Variants in PIK3C2A observed in about 807,000 individuals in gnomAD.
PIK3C2A encodes phosphatidylinositol-4-phosphate 3-kinase catalytic subunit type 2 alpha.
Under a neutral mutation model 204.5 loss-of-function variants are expected in PIK3C2A, and 97 were observed. The ratio of observed to expected loss-of-function variants is 0.47; its 90% CI spans 0.40 to 0.56. The LOEUF (loss-of-function observed/expected upper bound fraction) is 0.56, where lower values mean the gene tolerates loss of function less well. PIK3C2A is among the 20% of genes least tolerant of loss of function. PIK3C2A has a pLI of 0.00. For synonymous variants in PIK3C2A, 653 were observed against 664.4 expected (o/e 0.98, Z 0.26); for missense variants, 1,735 against 1,969.2 (o/e 0.88, Z 2.25).
Position 17,150,471 on chromosome 11 carries a change from G to A in PIK3C2A, c.1327+27C>T, listed in dbSNP as rs372409852. On this transcript the variant is annotated intron_variant, in intron 4 of 32. Coordinates refer to ENST00000691414, the MANE Select transcript of PIK3C2A (RefSeq NM_002645.4). ...ACATTTCCCCCTAACAGAGCAAAAC[G>A]AGAGGCTTGAGGAACCATAAACCTA... 3.6e-5 allele frequency: 55 copies of A among 1,547,716 alleles called. 1 individual carries two copies. The highest frequency in any genetic ancestry group is 1.2e-4 in the South Asian group (10 of 80,676).
intron 1 of PIK3C2A, among the ~76,000 whole-genome samples, chr11:17,206,279 G>A (rs1460181825): frequency 1.3e-5 from 2 of 152,134 alleles, no homozygotes; most frequent in Non-Finnish European, 2.9e-5. Flanking sequence ...ATTTATGGAA[G>A]AAACTCCATA....
intron 1 of PIK3C2A, among the ~76,000 whole-genome samples, chr11:17,205,891 C>T (rs1451830103): frequency 6.6e-6 from 1 of 152,162 alleles, no homozygotes; most frequent in Admixed American, 6.6e-5. Flanking sequence ...GAGGCCAAGA[C>T]GGGCAGATCA....
At chr11:17,204,953 G>A (rs1852514417) in intron 1 of PIK3C2A, among the ~76,000 whole-genome samples, 1 of 151,662 alleles carries the variant, frequency 6.6e-6, no homozygotes, top group Admixed American at 6.6e-5. Flanking sequence ...CGAGGCGGGC[G>A]GATCACTTGA....
intron 11 of PIK3C2A, among the ~76,000 whole-genome samples, chr11:17,132,434 A>G (rs996302936): frequency 7.1e-6 from 1 of 139,954 alleles, no homozygotes; most frequent in East Asian, 2.1e-4. Flanking sequence ...GGTTCACGCC[A>G]TTCTCCTGCC....
chr11:17,199,903 C>CAAAAAA lies in PIK3C2A; in HGVS notation c.-66+7939_-66+7944dup, dbSNP rs35435978. On this transcript the variant is annotated intron_variant, in intron 1 of 32. Coordinates refer to ENST00000691414, the MANE Select transcript of PIK3C2A (RefSeq NM_002645.4). ...TGCCACTACATTCCAGCCTCCATCT[C>CAAAAAA]AAAAAAAAAAAAAAAAAAAGTAGAT... 4.3e-3 allele frequency among the ~76,000 whole-genome samples: 460 copies of CAAAAAA among 106,802 alleles called. 5 individuals carry two copies. The highest frequency in any genetic ancestry group is 0.016 in the African/African-American group (432 of 27,804). The allele number at this position is 106,802 out of a possible 152,430, so 70.1% of individuals were successfully genotyped here. A position where few individuals can be genotyped will look rare whatever the true frequency, so the allele number is the denominator to read the frequency against.
chr11:17,121,138 G>A (rs1565255777), intron 15 of PIK3C2A, among the ~76,000 whole-genome samples: 1 of 151,402 alleles, frequency 6.6e-6, no homozygotes, highest in East Asian at 2.0e-4. Flanking sequence ...TCTTTTTTGA[G>A]ACAGGGTATT....
chr11:17,167,410 G>A (rs1343341816), intron 2 of PIK3C2A, among the ~76,000 whole-genome samples: 3 of 152,086 alleles, frequency 2.0e-5, no homozygotes, highest in Admixed American at 2.0e-4. Flanking sequence ...ATCACCTGAG[G>A]TCGGGAGTTC....
At position 17,136,533 on chromosome 11, in the gene PIK3C2A, T is replaced by C; in HGVS notation, c.1797A>G (p.Ser599=). The part of the protein sequence containing the change: ...DGVETLAITE[S]VKKLKRAVNL... ...TAACTGCTCTCTTTAGCTTCTTTAC[T>C]GATTCTGTAATGGCAAGAGTCTCGA... Residue 599 remains serine (S), a synonymous_variant, in exon 9 of 33, where the codon TCA becomes TCG. Transcript: ENST00000691414. The C allele has an allele frequency of 6.2e-7, 1 of 1,607,922 alleles. No individual in the cohort carries two copies. The highest frequency in any genetic ancestry group is 8.5e-7 in the Non-Finnish European group (1 of 1,174,694).
At chr11:17,200,299 A>G (rs935612227) in intron 1 of PIK3C2A, among the ~76,000 whole-genome samples, 4 of 152,214 alleles carry the variant, frequency 2.6e-5, no homozygotes, top group Non-Finnish European at 5.9e-5. Context: ...AGCAAAAATT[A>G]GTAGTTTACA....
chr11:17,186,074 CCCTTGTTGTT>C (rs1851741039), intron 1 of PIK3C2A, among the ~76,000 whole-genome samples: 1 of 152,146 alleles, frequency 6.6e-6, no homozygotes, highest in African/African-American at 2.4e-5. Flanking sequence ...CACACTGGCC[CCCTTGTTGTT>C]CCTCAACACC....
rs1027374711 is a variant in PIK3C2A at position 17,161,422 on chromosome 11, C to A, written c.1066-5793G>T. ...TGGGGATATGTTTAAAATGTTAATA[C>A]AATTAACTTTTAGAAAGAGTTTACA... On this transcript the variant is annotated intron_variant, in intron 2 of 32. Transcript: ENST00000691414. Among the ~76,000 whole-genome samples, 5 of 152,072 alleles carry A rather than the reference C, an allele frequency of 3.3e-5. No individual in the cohort carries two copies. In the South Asian group the frequency reaches 1.0e-3, roughly 32 times the overall value.
chr11:17,162,410 A>T (rs901573304), intron 2 of PIK3C2A, among the ~76,000 whole-genome samples: 11 of 152,120 alleles, frequency 7.2e-5, no homozygotes, highest in Admixed American at 7.2e-4. Flanking sequence ...CCAAGCCTCT[A>T]AGTCAATGTC....
intron 32 of PIK3C2A, 80 bp downstream of exon 32, chr11:17,091,254 G>A: frequency 2.3e-6 from 3 of 1,283,622 alleles, no homozygotes; most frequent in East Asian, 2.4e-5. Flanking sequence ...TGCACATCCT[G>A]CTTACGCACG....
At chr11:17,148,998 C>T (rs1453840755) in intron 4 of PIK3C2A, among the ~76,000 whole-genome samples, 5 of 151,968 alleles carry the variant, frequency 3.3e-5, no homozygotes, top group African/African-American at 7.3e-5. Context: ...TTTATTTAAC[C>T]TAATACAGTT....
At chr11:17,146,974 G>C (rs1590961870) in intron 6 of PIK3C2A, among the ~76,000 whole-genome samples, 1 of 151,920 alleles carries the variant, frequency 6.6e-6, no homozygotes. Context: ...GTTCATCAAG[G>C]GTTCACGCAG....
At chr11:17,109,623 G>A (rs1848933607) in intron 22 of PIK3C2A, among the ~76,000 whole-genome samples, 1 of 152,164 alleles carries the variant, frequency 6.6e-6, no homozygotes, top group Non-Finnish European at 1.5e-5. Flanking sequence ...GAGTGCAGTA[G>A]CATGATCATG....
chr11:17,114,408 G>A lies in PIK3C2A; in HGVS notation c.3274C>T (p.Arg1092Cys), dbSNP rs201726665. 3.9e-5 allele frequency: 63 copies of A among 1,596,700 alleles called. No homozygotes were observed. Among genetic ancestry groups the A allele is most frequent in the Non-Finnish European group, 5.2e-5 (61 of 1,164,796 alleles). The part of the protein sequence containing the change: ...VQSFFQKNKC[R>C]LPLKPSLVAK... ...ACTAGACTTGGCTTGAGAGGGAGACGGCATTTATTTTTCTGAAAAAAGGAC... is the reference window on the plus strand; with the variant it reads ...ACTAGACTTGGCTTGAGAGGGAGACAGCATTTATTTTTCTGAAAAAAGGAC... Residue 1092 changes from arginine (R) to cysteine (C), a missense_variant, in exon 20 of 33, where the codon CGT becomes TGT. This residue lies in a region of PIK3C2A where 567 missense variants were observed against 576.0 expected (regional missense o/e 0.98). Transcript: ENST00000691414.
At chr11:17,167,735 T>C (rs1015625995) in intron 2 of PIK3C2A, among the ~76,000 whole-genome samples, 9 of 152,252 alleles carry the variant, frequency 5.9e-5, no homozygotes, top group African/African-American at 1.7e-4. Context: ...AATGATAAAA[T>C]AGTAGGTAAG....
chr11:17,122,518 T>G (rs1424844149), intron 14 of PIK3C2A, among the ~76,000 whole-genome samples, 184 bp downstream of exon 14: 1 of 152,186 alleles, frequency 6.6e-6, no homozygotes, highest in Non-Finnish European at 1.5e-5. Context: ...ACATATTTCT[T>G]GGGATAAGTA....
Sources: gnomAD v4.1 joint callset for allele counts (sites outside exome capture counted in the v4.1 genomes callset) on GRCh38, gnomAD v4.1.1 for gene constraint, gnomAD v4.1.1 regional missense constraint, MANE v1.5 for transcripts, NCBI Gene and HGNC (gene_info 2026-07-23, HGNC 2026-07-21) for gene names.